Variants in STK3 observed in about 807,000 individuals in gnomAD.
STK3 encodes serine/threonine kinase 3, also known as serine/threonine-protein kinase 3.
In STK3, 41 loss-of-function variants were observed where a neutral mutation model predicts 58.0. The observed-to-expected ratio is 0.71, with a 90% CI of 0.55 to 0.92. The LOEUF is 0.92. Ranked by LOEUF, STK3 falls within the 40% of genes least tolerant of loss-of-function variation. The pLI, the probability that STK3 is intolerant of heterozygous loss-of-function variation, is 0.00. For synonymous variants in STK3, 170 were observed against 191.0 expected (o/e 0.89, Z 0.91); for missense variants, 479 against 602.7 (o/e 0.79, Z 2.15).
intron 10 of STK3, among the ~76,000 whole-genome samples, chr8:98,469,799 C>T (rs1420788053): frequency 6.6e-6 from 1 of 152,134 alleles, no homozygotes; most frequent in Non-Finnish European, 1.5e-5. Context: ...ATATGAAAGA[C>T]ATATTGTTGG....
At chr8:98,873,158 T>C (rs935626390) in intron 3 of STK3, among the ~76,000 whole-genome samples, 10 of 152,132 alleles carry the variant, frequency 6.6e-5, no homozygotes, top group Non-Finnish European at 1.3e-4. Flanking sequence ...TTTGAGTGAG[T>C]TTCTTAATCC....
At chr8:98,865,099 T>C (rs571660299) in intron 3 of STK3, among the ~76,000 whole-genome samples, 1 of 152,110 alleles carries the variant, frequency 6.6e-6, no homozygotes, top group Non-Finnish European at 1.5e-5. Flanking sequence ...TTTATTACTG[T>C]AGAAGAAGAG....
chr8:98,446,164 T>A (rs754461908), intron 1 of STK3, among the ~76,000 whole-genome samples: 3 of 152,248 alleles, frequency 2.0e-5, no homozygotes, highest in African/African-American at 4.8e-5. Flanking sequence ...CTGCCTTACA[T>A]GCCTCAAGAC....
intron 3 of STK3, among the ~76,000 whole-genome samples, chr8:98,755,967 C>T (rs1188079298): frequency 2.6e-5 from 4 of 151,972 alleles, no homozygotes; most frequent in African/African-American, 9.7e-5. Flanking sequence ...TGGTGAAACC[C>T]TGTCTCTACT....
intron 10 of STK3, among the ~76,000 whole-genome samples, chr8:98,472,030 C>A (rs918652487): frequency 6.6e-6 from 1 of 152,144 alleles, no homozygotes; most frequent in African/African-American, 2.4e-5. Context: ...TTACCACTGG[C>A]AGACACTATG....
chr8:98,383,495 T>C (rs540910852), intron 1 of STK3, among the ~76,000 whole-genome samples: 14 of 152,364 alleles, frequency 9.2e-5, no homozygotes, highest in Non-Finnish European at 1.8e-4. Flanking sequence ...TTGCCTCTTG[T>C]GAATACTGGC....
At chr8:98,717,732 C>T (rs374269490) in intron 4 of STK3, among the ~76,000 whole-genome samples, 8 of 152,148 alleles carry the variant, frequency 5.3e-5, no homozygotes, top group Non-Finnish European at 1.0e-4. Flanking sequence ...TTTCACCTCA[C>T]GATGAACGTA....
intron 1 of STK3, among the ~76,000 whole-genome samples, chr8:98,387,538 C>T (rs1489343620): frequency 1.3e-5 from 2 of 152,178 alleles, no homozygotes; most frequent in African/African-American, 2.4e-5. Flanking sequence ...CACCTGAGGT[C>T]GGGAGTTGGA....
At chr8:98,401,720 C>A (rs533114183) in intron 3 of STK3, among the ~76,000 whole-genome samples, 3 of 152,308 alleles carry the variant, frequency 2.0e-5, no homozygotes, top group African/African-American at 4.8e-5. Flanking sequence ...AACTTGCTCC[C>A]TTTTCTCCCC....
At chr8:98,706,428 T>C (rs767373876) in intron 6 of STK3, 39 bp downstream of exon 6, 47 of 1,562,190 alleles carry the variant, frequency 3.0e-5, no homozygotes, top group East Asian at 2.1e-4. Flanking sequence ...GCAACACTTA[T>C]ATAAGGCTAA....
At chr8:98,654,176 G>A (rs1024745344) in intron 6 of STK3, among the ~76,000 whole-genome samples, 4 of 151,992 alleles carry the variant, frequency 2.6e-5, no homozygotes, top group South Asian at 2.1e-4. Context: ...AGGCTGGTTC[G>A]ATATACAGAA....
chr8:98,602,601 C>A (rs1816440133), intron 6 of STK3, among the ~76,000 whole-genome samples: 1 of 152,156 alleles, frequency 6.6e-6, no homozygotes, highest in African/African-American at 2.4e-5. Flanking sequence ...TAGTACTTCT[C>A]CATAGTAAAA....
chr8:98,417,189 G>A (rs905117360), intron 3 of STK3, among the ~76,000 whole-genome samples: 6 of 152,190 alleles, frequency 3.9e-5, no homozygotes, highest in African/African-American at 9.7e-5. Context: ...GGGAGTGGAA[G>A]GCTGTAGAGA....
At chr8:98,509,460 G>A (rs934218077) in intron 10 of STK3, among the ~76,000 whole-genome samples, 4 of 151,944 alleles carry the variant, frequency 2.6e-5, no homozygotes, top group African/African-American at 4.8e-5. Flanking sequence ...TGACTATTGT[G>A]CAGATTATTA....
chr8:98,838,560 CAGAG>C (rs1835838059), intron 3 of STK3, among the ~76,000 whole-genome samples: 1 of 152,130 alleles, frequency 6.6e-6, no homozygotes, highest in South Asian at 2.1e-4. Flanking sequence ...GCTTAGTAGA[CAGAG>C]AGAAGCTGCA....
chr8:98,423,441 C>T (rs186310836), intron 3 of STK3, among the ~76,000 whole-genome samples: 4 of 152,258 alleles, frequency 2.6e-5, no homozygotes, highest in East Asian at 3.9e-4. Context: ...AGCAGTGAGC[C>T]GAAGTTTGGG....
chr8:98,853,244 A>G (rs1836544478), intron 3 of STK3, among the ~76,000 whole-genome samples: 1 of 152,092 alleles, frequency 6.6e-6, no homozygotes, highest in Non-Finnish European at 1.5e-5. Context: ...ATACCTAATT[A>G]TTTCATTACC....
chr8:98,838,956 C>G (rs1326425559), intron 3 of STK3, among the ~76,000 whole-genome samples: 1 of 150,690 alleles, frequency 6.6e-6, no homozygotes, highest in Non-Finnish European at 1.5e-5. Context: ...ATAATTTAAC[C>G]TTCTTCTTTG....
At chr8:98,440,561 GCA>G (rs1252003536) in intron 1 of STK3, among the ~76,000 whole-genome samples, 2 of 119,488 alleles carry the variant, frequency 1.7e-5, no homozygotes, top group African/African-American at 6.3e-5. Context: ...TATTACATAA[GCA>G]CGTGTGTGTG....
Sources: allele counts gnomAD v4.1 joint callset (sites outside exome capture counted in the v4.1 genomes callset), GRCh38; gene constraint gnomAD v4.1.1; transcripts MANE v1.5; gene names NCBI Gene and HGNC (gene_info 2026-07-23, HGNC 2026-07-21).